Variants in TRAPPC9 observed in about 807,000 individuals in gnomAD.
The protein encoded by TRAPPC9 is IKK2 binding protein.
Under a neutral mutation model 124.0 loss-of-function variants are expected in TRAPPC9, and 83 were observed. That is an observed-to-expected ratio of 0.67 (90% CI 0.56 to 0.80). TRAPPC9 has a LOEUF of 0.80. Among genes scored for constraint, TRAPPC9 ranks in the 30% least tolerant of loss-of-function variants. The pLI is 0.00. For missense variants in TRAPPC9, 1,302 were observed against 1,508.3 expected, an observed-to-expected ratio of 0.86 and a Z score of 2.27; for synonymous variants, 638 against 617.5, an observed-to-expected ratio of 1.03 and a Z score of -0.49.
chr8:139,903,902 C>T (rs13277682), intron 20 of TRAPPC9, among the ~76,000 whole-genome samples: 5 of 151,860 alleles, frequency 3.3e-5, no homozygotes, highest in African/African-American at 7.3e-5. Context: ...ATTAGCCAGG[C>T]GTGGTGGCAG....
chr8:140,087,848 G>A lies in TRAPPC9; in HGVS notation c.2557-63769C>T, dbSNP rs577589352. Among the ~76,000 whole-genome samples, 4 of 152,068 alleles carry A rather than the reference G, an allele frequency of 2.6e-5. No individual in the cohort carries two copies. In the South Asian group the frequency reaches 6.2e-4, roughly 24 times the overall value. The stretch of plus-strand genomic sequence containing the variant: ...CCCTGGCTCTCTCCTGCAGCTTGTC[G>A]CCGCCAGCCCCAGAAAAACCCACCA... On this transcript the variant is annotated intron_variant, in intron 17 of 22. Coordinates refer to ENST00000438773, the MANE Select transcript of TRAPPC9 (RefSeq NM_001160372.4). The surrounding 1 kb of genome is among the most constrained non-coding windows in gnomAD (Gnocchi z 4.6).
chr8:140,173,729 C>A (rs972986135), intron 17 of TRAPPC9, among the ~76,000 whole-genome samples: 28 of 152,244 alleles, frequency 1.8e-4, no homozygotes, highest in African/African-American at 6.3e-4. Flanking sequence ...TGTCTATAGA[C>A]TATGGCATAA....
intron 17 of TRAPPC9, among the ~76,000 whole-genome samples, chr8:140,071,017 G>A (rs573694990): frequency 6.6e-5 from 10 of 152,336 alleles, no homozygotes; most frequent in African/African-American, 2.4e-4. Context: ...GCGTTAGTGC[G>A]TGCGATCGTT....
At chr8:140,118,435 T>C (rs1026910338) in intron 17 of TRAPPC9, among the ~76,000 whole-genome samples, 4 of 152,248 alleles carry the variant, frequency 2.6e-5, no homozygotes, top group Non-Finnish European at 5.9e-5. Context: ...TTCTGTAATG[T>C]CTGAGTATCT....
intron 17 of TRAPPC9, among the ~76,000 whole-genome samples, chr8:140,214,273 C>G (rs1228715814): frequency 1.3e-5 from 2 of 152,196 alleles, no homozygotes; most frequent in Non-Finnish European, 2.9e-5. Context: ...AGACACCAGC[C>G]TGGCTTTGCA....
At chr8:139,971,969 G>A (rs1836132926) in intron 19 of TRAPPC9, among the ~76,000 whole-genome samples, 1 of 151,872 alleles carries the variant, frequency 6.6e-6, no homozygotes. Flanking sequence ...CTACAGGCAC[G>A]CGCCACCATG....
intron 17 of TRAPPC9, among the ~76,000 whole-genome samples, chr8:140,151,205 C>T (rs2061538771): frequency 6.6e-6 from 1 of 152,180 alleles, no homozygotes; most frequent in Admixed American, 6.5e-5. Context: ...AGCACAGCCT[C>T]AGGTGGCATC....
chr8:140,402,397 CA>C (rs34659339), intron 6 of TRAPPC9, among the ~76,000 whole-genome samples: 1,444 of 140,086 alleles, frequency 0.01, 16 homozygotes, highest in African/African-American at 0.028. Context: ...GACCCTGTCT[CA>C]AAAAAAAAAA....
chr8:140,129,014 A>AAG (rs2130690098), intron 17 of TRAPPC9, among the ~76,000 whole-genome samples: 1 of 127,998 alleles, frequency 7.8e-6, no homozygotes, highest in South Asian at 2.4e-4. Flanking sequence ...TTAAAAAAAA[A>AAG]AAGAAGACTC....
rs571829997 is a variant in TRAPPC9, at chr8:140,140,531, A to G, written c.2556+80928T>C. Among the ~76,000 whole-genome samples the G allele has an allele frequency of 2.6e-5, 4 of 152,232 alleles. No individual in the cohort carries two copies. In the South Asian group the frequency reaches 8.3e-4, roughly 32 times the overall value. On this transcript the variant is annotated intron_variant, in intron 17 of 22. Transcript: ENST00000438773. ...GAGCATCGAAGTGTCTCTTCTATACATCAATCAGCGAATGAAACAATTCAA... is the reference window on the plus strand; with the variant it reads ...GAGCATCGAAGTGTCTCTTCTATACGTCAATCAGCGAATGAAACAATTCAA...
chr8:140,269,552 TAAAA>T (rs776027146), intron 15 of TRAPPC9, among the ~76,000 whole-genome samples: 2 of 64,476 alleles, frequency 3.1e-5, no homozygotes, highest in East Asian at 3.6e-4. Flanking sequence ...AAAAATAAAA[TAAAA>T]TAAATAAATA....
intron 8 of TRAPPC9, 38 bp from the exon 9 acceptor site, chr8:140,360,231 G>A (rs1011885864): frequency 6.2e-7 from 1 of 1,613,418 alleles, no homozygotes; most frequent in African/African-American, 1.3e-5. Flanking sequence ...AAAGTGCTTG[G>A]AGAGGGTACA....
chr8:139,957,450 G>A (rs987332423), intron 19 of TRAPPC9, among the ~76,000 whole-genome samples: 2 of 152,206 alleles, frequency 1.3e-5, no homozygotes, highest in African/African-American at 4.8e-5. Flanking sequence ...AGAGAGGCAG[G>A]GACAGCAGGA....
At chr8:139,997,497 GGGGAGACAATGCA>G (rs1243405518) in intron 18 of TRAPPC9, among the ~76,000 whole-genome samples, 1 of 146,412 alleles carries the variant, frequency 6.8e-6, no homozygotes, top group Admixed American at 6.8e-5. Flanking sequence ...ATTCCACACA[GGGGAGACAATGCA>G]TTCTACACAG....
At chr8:139,889,133 T>C (rs1296469109) in intron 20 of TRAPPC9, among the ~76,000 whole-genome samples, 1 of 152,220 alleles carries the variant, frequency 6.6e-6, no homozygotes, top group Non-Finnish European at 1.5e-5. Flanking sequence ...AAGGACATTT[T>C]TGACACATGC....
intron 17 of TRAPPC9, among the ~76,000 whole-genome samples, chr8:140,081,001 A>ACT (rs557610188): frequency 3.6e-4 from 55 of 151,956 alleles, no homozygotes; most frequent in Non-Finnish European, 6.5e-4. Context: ...CAAAGCCTGG[A>ACT]CTCCTGCTGT....
chr8:139,823,177 G>C (rs1390324477), intron 21 of TRAPPC9, among the ~76,000 whole-genome samples: 1 of 152,142 alleles, frequency 6.6e-6, no homozygotes, highest in African/African-American at 2.4e-5. Context: ...ATTCAGTTCG[G>C]ACCAGTACCC....
At chr8:139,880,136 C>A (rs1006769667) in intron 21 of TRAPPC9, among the ~76,000 whole-genome samples, 1 of 152,188 alleles carries the variant, frequency 6.6e-6, no homozygotes, top group Non-Finnish European at 1.5e-5. Context: ...AAATGGAAAA[C>A]CCCCACATGG....
intron 13 of TRAPPC9, 149 bp downstream of exon 13, chr8:140,287,459 T>A: frequency 8.7e-7 from 1 of 1,151,504 alleles, no homozygotes; most frequent in Non-Finnish European, 1.3e-6. Flanking sequence ...CGAACAGGTT[T>A]TTTTCATGCT....
Sources: allele counts gnomAD v4.1 joint callset (sites outside exome capture counted in the v4.1 genomes callset), GRCh38; gene constraint gnomAD v4.1.1; non-coding constraint Gnocchi (gnomAD v3.1); transcripts MANE v1.5; gene names NCBI Gene and HGNC (gene_info 2026-07-23, HGNC 2026-07-21).